The following SIDT1 variants were observed in gnomAD, a reference collection of about 807,000 sequenced individuals.
SIDT1 encodes the protein SID1 transmembrane family, member 1.
A neutral mutation model predicts 107.5 loss-of-function variants in SIDT1; 101 were observed. The ratio of observed to expected loss-of-function variants is 0.94; its 90% confidence interval spans 0.80 to 1.11. SIDT1 has a LOEUF of 1.11. SIDT1 is among the 50% of genes least tolerant of loss of function. The pLI is 0.00. For synonymous variants in SIDT1, 395 were observed against 398.2 expected (o/e 0.99, Z 0.10); for missense variants, 1,076 against 1,058.2 (o/e 1.02, Z -0.23).
At chr3:113,560,237 C>A (rs1478693853) in intron 1 of SIDT1, among the ~76,000 whole-genome samples, 1 of 152,162 alleles carries the variant, frequency 6.6e-6, no homozygotes, top group African/African-American at 2.4e-5. Context: ...TGGAAGAGCC[C>A]AACTTGTAGG....
chr3:113,560,390 T>C (rs1941318232), intron 1 of SIDT1, among the ~76,000 whole-genome samples: 2 of 152,366 alleles, frequency 1.3e-5, no homozygotes, highest in African/African-American at 4.8e-5. Context: ...TCTGACTAGA[T>C]TGCGAGCCTC....
intron 3 of SIDT1, among the ~76,000 whole-genome samples, chr3:113,575,071 G>A (rs1942794101): frequency 6.6e-6 from 1 of 152,154 alleles, no homozygotes; most frequent in Non-Finnish European, 1.5e-5. Flanking sequence ...ACAGTAACAT[G>A]TTTTACAAGT....
chr3:113,542,878 G>A (rs923057492), intron 1 of SIDT1, among the ~76,000 whole-genome samples: 1 of 151,368 alleles, frequency 6.6e-6, no homozygotes, highest in African/African-American at 2.4e-5. Context: ...TCTAGGAAGA[G>A]ACTTTTAATT....
chr3:113,591,033 C>A (rs1341256766), intron 9 of SIDT1, among the ~76,000 whole-genome samples: 1 of 152,106 alleles, frequency 6.6e-6, no homozygotes, highest in Non-Finnish European at 1.5e-5. Flanking sequence ...CACAAGAATC[C>A]TTATGAAGGA....
intron 2 of SIDT1, among the ~76,000 whole-genome samples, chr3:113,566,798 G>C (rs1353632643): frequency 3.9e-5 from 6 of 152,176 alleles, no homozygotes; most frequent in Non-Finnish European, 7.3e-5. Flanking sequence ...GTGATCCTCT[G>C]TAGCTTTGGG....
Position 113,583,953 on chromosome 3 carries a change from A to G in SIDT1, c.835+457A>G, listed in dbSNP as rs150927255. Among the ~76,000 whole-genome samples, 37 of 152,310 alleles carry G rather than the reference A, an allele frequency of 2.4e-4. No homozygotes were observed. In the East Asian group the frequency reaches 5.6e-3, roughly 23 times the overall value. On this transcript the variant is annotated intron_variant, in intron 7 of 24. Transcript: ENST00000264852. ...TCTGCATCTCAGTTGCCAAAATTAT[A>G]CCTTGAAAAATAGTAAGAAAGCCCA... is the stretch of plus-strand genomic sequence containing the variant.
intron 21 of SIDT1, among the ~76,000 whole-genome samples, chr3:113,622,463 CAAAAAAAAAAA>C (rs765265068): frequency 0.028 from 1,631 of 58,012 alleles, 38 homozygotes; most frequent in African/African-American, 0.097. Flanking sequence ...GACTCCATCT[CAAAAAAAAAAA>C]AAAAAAAAAA....
chr3:113,568,218 C>CA (rs549838131), intron 3 of SIDT1, among the ~76,000 whole-genome samples: 169 of 151,884 alleles, frequency 1.1e-3, no homozygotes, highest in Admixed American at 2.5e-3. Flanking sequence ...GCAAGCTCAT[C>CA]AAAAAAATAA....
At chr3:113,541,478 T>C (rs1938860246) in intron 1 of SIDT1, among the ~76,000 whole-genome samples, 1 of 152,198 alleles carries the variant, frequency 6.6e-6, no homozygotes, top group African/African-American at 2.4e-5. Context: ...CCAGTACATA[T>C]ATATTTAAAG....
intron 6 of SIDT1, among the ~76,000 whole-genome samples, chr3:113,582,587 G>T (rs1357652490): frequency 2.0e-5 from 3 of 152,036 alleles, no homozygotes; most frequent in East Asian, 3.9e-4. Flanking sequence ...TTCATAAAGG[G>T]CAAGCATATC....
chr3:113,626,524 C>A (rs1426649233), intron 24 of SIDT1, among the ~76,000 whole-genome samples: 1 of 152,274 alleles, frequency 6.6e-6, no homozygotes, highest in East Asian at 1.9e-4. Flanking sequence ...CCCCAGGAAC[C>A]ACTTTTAGCA....
At chr3:113,562,337 A>G (rs944584387) in intron 1 of SIDT1, among the ~76,000 whole-genome samples, 16 of 152,270 alleles carry the variant, frequency 1.1e-4, no homozygotes, top group African/African-American at 3.9e-4. Context: ...ACATAGAGTT[A>G]CCATGTCTCC....
At chr3:113,546,103 C>T (rs73854510) in intron 1 of SIDT1, among the ~76,000 whole-genome samples, 394 of 152,250 alleles carry the variant, frequency 2.6e-3, no homozygotes, top group African/African-American at 9.3e-3. Flanking sequence ...CCAGGAGACA[C>T]GTGTTTTTAT....
chr3:113,550,403 C>T (rs560317851), intron 1 of SIDT1, among the ~76,000 whole-genome samples: 1 of 152,184 alleles, frequency 6.6e-6, no homozygotes, highest in African/African-American at 2.4e-5. Flanking sequence ...GAGGGCTGAT[C>T]TCCCAATTAT....
intron 3 of SIDT1, among the ~76,000 whole-genome samples, chr3:113,569,424 C>A (rs1942245261): frequency 6.6e-6 from 1 of 152,098 alleles, no homozygotes; most frequent in Middle Eastern, 3.4e-3. Context: ...CACTGTTTTG[C>A]AGCTTATTTT....
downstream of SIDT1, among the ~76,000 whole-genome samples, chr3:113,631,303 A>T (rs992118720): frequency 2.5e-4 from 38 of 150,888 alleles, no homozygotes; most frequent in African/African-American, 9.2e-4. Flanking sequence ...GCAAGCTTGC[A>T]TCTTCAGCTA....
chr3:113,583,440 T>C lies in SIDT1; in HGVS notation c.779T>C (p.Val260Ala), dbSNP rs575918914. The part of the protein sequence containing the change: ...KKDFPGEQFF[V>A]VFVIKPEDYA... ...GATTTTCCAGGCGAGCAGTTCTTCG[T>C]GGTATTTGTGATAAAGCCTGAAGAT... is the stretch of plus-strand genomic sequence containing the variant. Residue 260 changes from valine to alanine, a missense_variant, in exon 7 of 25, where the codon GTG becomes GCG. Physicochemically the swap from Val to Ala is moderately conservative, Grantham distance 64. Coordinates refer to ENST00000264852, the MANE Select transcript of SIDT1 (RefSeq NM_017699.3). The C allele has an allele frequency of 8.1e-6, 13 of 1,599,988 alleles. No individual in the cohort carries two copies. The South Asian group carries it at 1.3e-4, about 17-fold the overall frequency.
chr3:113,567,491 T>A (rs1481993641), intron 2 of SIDT1, 49 bp from the exon 3 acceptor site: 6 of 1,476,020 alleles, frequency 4.1e-6, no homozygotes, highest in African/African-American at 1.4e-5. Context: ...ATTCACTGAG[T>A]CCCTTTCTTG....
chr3:113,567,848 C>T (rs1278193932), intron 3 of SIDT1, 138 bp downstream of exon 3: 9 of 848,470 alleles, frequency 1.1e-5, no homozygotes, highest in South Asian at 5.2e-5. Context: ...CCTGAACTCT[C>T]CTGCCCATAA....
Sources: gnomAD v4.1 joint callset for allele counts (sites outside exome capture counted in the v4.1 genomes callset) on GRCh38, gnomAD v4.1.1 for gene constraint, MANE v1.5 for transcripts, NCBI Gene and HGNC (gene_info 2026-07-23, HGNC 2026-07-21) for gene names.